MBOAT2: variants seen among roughly 807,000 people sequenced by gnomAD.
The protein encoded by MBOAT2 is membrane bound glycerophospholipid O-acyltransferase 2.
A neutral mutation model predicts 63.4 loss-of-function variants in MBOAT2; 28 were observed. The observed-to-expected ratio is 0.44, with a 90% confidence interval of 0.33 to 0.61. The LOEUF (loss-of-function observed/expected upper bound fraction) is 0.61, where lower values mean the gene tolerates loss of function less well. Ranked by LOEUF, MBOAT2 falls within the 20% of genes least tolerant of loss-of-function variation. The pLI is 0.03. For synonymous variants in MBOAT2, 211 were observed against 215.6 expected (o/e 0.98, Z 0.19); for missense variants, 470 against 605.8 (o/e 0.78, Z 2.35).
chr2:8,894,423 G>A (rs747757659), intron 4 of MBOAT2, among the ~76,000 whole-genome samples: 34 of 152,316 alleles, frequency 2.2e-4, no homozygotes, highest in South Asian at 1.7e-3. Flanking sequence ...AATGGGCCAG[G>A]ATAAAGGCCC....
At chr2:8,968,162 G>T (rs1026079035) in intron 1 of MBOAT2, among the ~76,000 whole-genome samples, 1 of 151,712 alleles carries the variant, frequency 6.6e-6, no homozygotes, top group African/African-American at 2.4e-5. Context: ...ACATGGCCAG[G>T]TATCCCTCTG....
chr2:8,872,618 T>A (rs1445156939), intron 8 of MBOAT2, among the ~76,000 whole-genome samples: 1 of 152,166 alleles, frequency 6.6e-6, no homozygotes, highest in East Asian at 1.9e-4. Flanking sequence ...TGTTATCTTT[T>A]CTCTAAAATT....
intron 9 of MBOAT2, among the ~76,000 whole-genome samples, chr2:8,867,643 A>G (rs1378595734): frequency 6.6e-6 from 1 of 152,212 alleles, no homozygotes; most frequent in East Asian, 1.9e-4. Context: ...GGCCTGATTC[A>G]TAACTCATTC....
chr2:8,885,901 C>A (rs1271725938), intron 5 of MBOAT2, among the ~76,000 whole-genome samples: 1 of 152,180 alleles, frequency 6.6e-6, no homozygotes, highest in Admixed American at 6.5e-5. Context: ...TGTGCAGAAA[C>A]AAGTTAACAT....
At chr2:8,914,454 T>G (rs1311389465) in intron 3 of MBOAT2, among the ~76,000 whole-genome samples, 7 of 151,694 alleles carry the variant, frequency 4.6e-5, no homozygotes, top group Non-Finnish European at 1.0e-4. Context: ...AAATTACAGT[T>G]GAATTGCAGC....
intron 4 of MBOAT2, among the ~76,000 whole-genome samples, chr2:8,895,506 T>C (rs551972276): frequency 3.9e-5 from 6 of 152,268 alleles, no homozygotes; most frequent in South Asian, 2.1e-4. Flanking sequence ...AGAGCGCTGA[T>C]TGGTGCATTT....
At chr2:8,866,759 C>T (rs145013778) in intron 9 of MBOAT2, among the ~76,000 whole-genome samples, 1,542 of 152,312 alleles carry the variant, frequency 0.01, 14 homozygotes, top group Non-Finnish European at 0.017. Flanking sequence ...TCATATGTCC[C>T]ATAGAACTTC....
chr2:8,862,436 A>C lies in MBOAT2; in HGVS notation c.1185+154T>G. 1 of 1,314,862 alleles carries C rather than the reference A, an allele frequency of 7.6e-7. No homozygotes were observed. Among genetic ancestry groups the C allele is most frequent in the South Asian group, 1.4e-5 (1 of 71,180 alleles). 81.4% of individuals were successfully genotyped at this position (1,314,862 alleles called of 1,614,324 possible). A position where few individuals can be genotyped will look rare whatever the true frequency, so the allele number is the denominator to read the frequency against. Reference sequence around the variant, plus strand: ...GCCTAGCCCGTGGTGAGCGCTCAGCAAACATGCACGCAGTACACACCTCGC... The same window carrying C: ...GCCTAGCCCGTGGTGAGCGCTCAGCCAACATGCACGCAGTACACACCTCGC... On this transcript the variant is annotated intron_variant, in intron 11 of 12. Transcript: ENST00000305997. The surrounding 1 kb of genome is among the most constrained non-coding windows in gnomAD (Gnocchi z 4.3).
intron 1 of MBOAT2, among the ~76,000 whole-genome samples, chr2:8,959,860 A>C (rs868304827): frequency 6.6e-6 from 1 of 152,236 alleles, no homozygotes; most frequent in Non-Finnish European, 1.5e-5. Context: ...CATTGACATT[A>C]GGAACCTGCA....
Position 8,862,412 on chromosome 2 carries a change from C to T in MBOAT2, c.1185+178G>A, listed in dbSNP as rs571358947. The T allele has an allele frequency of 3.8e-4, 518 of 1,356,650 alleles. 1 individual carries two copies. Among genetic ancestry groups the T allele is most frequent in the Non-Finnish European group, 5.0e-4 (501 of 1,003,076 alleles). 84.0% of individuals were successfully genotyped at this position (1,356,650 alleles called of 1,614,324 possible). On this transcript the variant is annotated intron_variant, in intron 11 of 12. Transcript: ENST00000305997. The surrounding 1 kb of genome is among the most constrained non-coding windows in gnomAD (Gnocchi z 4.3). ...CTCCTCACAGGAACTGGGCATGGAGCCTAGCCCGTGGTGAGCGCTCAGCAA... is the reference window on the plus strand; with the variant it reads ...CTCCTCACAGGAACTGGGCATGGAGTCTAGCCCGTGGTGAGCGCTCAGCAA...
Position 8,862,618 on chromosome 2 carries a change from C to T in MBOAT2, c.1157G>A (p.Gly386Glu). 6.2e-7 allele frequency: 1 copy of T among 1,612,654 alleles called. No individual in the cohort carries two copies. Among genetic ancestry groups the T allele is most frequent in the Non-Finnish European group, 8.5e-7 (1 of 1,179,642 alleles). Residue 386 changes from glycine to glutamate, a missense_variant, in exon 11 of 13, where the codon GGG becomes GAG. This residue lies in a region of MBOAT2 where 376 missense variants were observed against 503.8 expected (regional missense o/e 0.75). Transcript: ENST00000305997. The surrounding 1 kb of genome is among the most constrained non-coding windows in gnomAD (Gnocchi z 4.3). ...YPGYYLTFLT[G>E]VLMTLAARAM... ...TCTTGCTGCTAATGTCATTAACACC[C>T]CTGTTAGAAACGTTAGATAATATCC...
rs1435177767 is a variant in MBOAT2 at position 8,857,038 on chromosome 2, G to C, written c.*1641C>G. On this transcript the variant is annotated 3_prime_UTR_variant, in exon 13 of 13. Transcript: ENST00000305997. ...TGCTGAGACCTCAAAAGCTGCAAGTGCATTTGCTTTTCCTTTCTTCTTTAA... is the reference window on the plus strand; with the variant it reads ...TGCTGAGACCTCAAAAGCTGCAAGTCCATTTGCTTTTCCTTTCTTCTTTAA... The C allele has an allele frequency of 6.6e-6, 1 of 152,540 alleles. No homozygotes were observed. Among genetic ancestry groups the C allele is most frequent in the Non-Finnish European group, 1.5e-5 (1 of 68,018 alleles). 9.4% of individuals were successfully genotyped at this position (152,540 alleles called of 1,614,324 possible).
At chr2:8,902,685 C>T (rs1173698830) in intron 4 of MBOAT2, among the ~76,000 whole-genome samples, 2 of 152,048 alleles carry the variant, frequency 1.3e-5, no homozygotes, top group African/African-American at 2.4e-5. Context: ...TGCATCTGGA[C>T]TTGCTCATTC....
At chr2:8,918,104 G>A (rs898097641) in intron 3 of MBOAT2, among the ~76,000 whole-genome samples, 1 of 152,208 alleles carries the variant, frequency 6.6e-6, no homozygotes, top group Non-Finnish European at 1.5e-5. Flanking sequence ...GGAACTTTTA[G>A]GGACAAGTGA....
At chr2:8,884,477 C>A (rs1397476882) in intron 5 of MBOAT2, among the ~76,000 whole-genome samples, 1 of 82,848 alleles carries the variant, frequency 1.2e-5, no homozygotes, top group African/African-American at 4.9e-5. Flanking sequence ...TGTTGTCCAC[C>A]TTTTCCTTAA....
chr2:8,925,019 T>C (rs2148614821), intron 3 of MBOAT2, among the ~76,000 whole-genome samples: 1 of 152,278 alleles, frequency 6.6e-6, no homozygotes, highest in South Asian at 2.1e-4. Context: ...CATGAAAAAC[T>C]ACCAATGTAA....
intron 1 of MBOAT2, among the ~76,000 whole-genome samples, chr2:8,999,675 T>A (rs1185933851): frequency 6.6e-6 from 1 of 152,186 alleles, no homozygotes; most frequent in Admixed American, 6.5e-5. Flanking sequence ...TCTCAGTCCA[T>A]TTCCCTCCTC....
intron 12 of MBOAT2, among the ~76,000 whole-genome samples, chr2:8,859,384 T>TAC (rs1661335757): frequency 6.6e-6 from 1 of 152,216 alleles, no homozygotes; most frequent in Non-Finnish European, 1.5e-5. Flanking sequence ...TCTTGATGGT[T>TAC]ACTTTCATGA....
chr2:8,969,922 G>C (rs557704865), intron 1 of MBOAT2, among the ~76,000 whole-genome samples: 12 of 152,268 alleles, frequency 7.9e-5, no homozygotes, highest in African/African-American at 2.9e-4. Context: ...ATAATAATGG[G>C]AGACTTTAAC....
Sources: allele counts gnomAD v4.1 joint callset (sites outside exome capture counted in the v4.1 genomes callset), GRCh38; gene constraint gnomAD v4.1.1; regional missense constraint gnomAD v4.1.1; non-coding constraint Gnocchi (gnomAD v3.1); transcripts MANE v1.5; gene names NCBI Gene and HGNC (gene_info 2026-07-23, HGNC 2026-07-21).